Variants in GALNT13 observed in about 807,000 individuals in gnomAD.
GALNT13 encodes the protein UDP-GalNAc:polypeptide N-acetylgalactosaminyltransferase 13.
Under a neutral mutation model 64.2 loss-of-function variants are expected in GALNT13, and 28 were observed. The ratio of observed to expected loss-of-function variants is 0.44; its 90% CI spans 0.32 to 0.60. GALNT13 has a LOEUF of 0.60. GALNT13 is among the 20% of genes least tolerant of loss of function. GALNT13 has a pLI of 0.05. For synonymous variants in GALNT13, 214 were observed against 224.6 expected (o/e 0.95, Z 0.42); for missense variants, 577 against 669.8 (o/e 0.86, Z 1.53).
chr2:153,373,473 G>C, the GALNT13 span, among the ~76,000 whole-genome samples: 1 of 152,066 alleles, frequency 6.6e-6, no homozygotes, highest in Non-Finnish European at 1.5e-5. Flanking sequence ...TCAGTTGTTT[G>C]TGTTGCTTCT....
At chr2:153,732,743 C>T in the GALNT13 span, among the ~76,000 whole-genome samples, 3 of 152,156 alleles carry the variant, frequency 2.0e-5, no homozygotes, top group Middle Eastern at 3.4e-3. Context: ...GTCTTATGAA[C>T]TAACCCAACT....
intron 2 of GALNT13, among the ~76,000 whole-genome samples, chr2:153,933,338 A>G (rs1158887646): frequency 1.3e-5 from 2 of 151,920 alleles, no homozygotes; most frequent in Non-Finnish European, 2.9e-5. Context: ...GTCTTTTTTG[A>G]TCTTTGTTGC....
At chr2:153,883,823 G>T (rs1435562918) in intron 1 of GALNT13, among the ~76,000 whole-genome samples, 1 of 152,070 alleles carries the variant, frequency 6.6e-6, no homozygotes, top group Non-Finnish European at 1.5e-5. Context: ...TAGGACTTTA[G>T]TTGGCTCCAA....
At chr2:153,255,507 T>C in the GALNT13 span, among the ~76,000 whole-genome samples, 9 of 151,414 alleles carry the variant, frequency 5.9e-5, no homozygotes, top group Admixed American at 5.9e-4. Flanking sequence ...TTTGATCCTG[T>C]CATTATGATG....
chr2:153,877,455 C>T (rs925778185), intron 1 of GALNT13, among the ~76,000 whole-genome samples: 4 of 152,052 alleles, frequency 2.6e-5, no homozygotes, highest in African/African-American at 7.2e-5. Flanking sequence ...AAGCATAGCA[C>T]AATCAAAAAT....
chr2:153,294,226 G>A, the GALNT13 span, among the ~76,000 whole-genome samples: 1 of 152,168 alleles, frequency 6.6e-6, no homozygotes, highest in African/African-American at 2.4e-5. Context: ...GCAGGTGAGT[G>A]GCAAGTGTGG....
At chr2:153,090,485 T>C in the GALNT13 span, among the ~76,000 whole-genome samples, 1 of 152,210 alleles carries the variant, frequency 6.6e-6, no homozygotes, top group Non-Finnish European at 1.5e-5. Context: ...AGCCAGGATG[T>C]TGCAGGCAGT....
the GALNT13 span, among the ~76,000 whole-genome samples, chr2:153,185,621 G>T: frequency 5.3e-5 from 8 of 152,118 alleles, no homozygotes; most frequent in Non-Finnish European, 8.8e-5. Context: ...TGTTTACACT[G>T]CTTTAGCTGC....
At chr2:154,398,479 T>C (rs1699154617) in intron 10 of GALNT13, among the ~76,000 whole-genome samples, 1 of 151,680 alleles carries the variant, frequency 6.6e-6, no homozygotes, top group South Asian at 2.1e-4. Context: ...GCAAATTCCT[T>C]TGTACAAACT....
intron 3 of GALNT13, among the ~76,000 whole-genome samples, chr2:154,103,572 T>G (rs1278758830): frequency 6.6e-6 from 1 of 152,188 alleles, no homozygotes; most frequent in East Asian, 1.9e-4. Context: ...GCTGGAGTTC[T>G]TGGGCTGACT....
chr2:153,218,189 C>A, the GALNT13 span, among the ~76,000 whole-genome samples: 1 of 152,158 alleles, frequency 6.6e-6, no homozygotes, highest in Non-Finnish European at 1.5e-5. Flanking sequence ...GCTGTCTTGT[C>A]TCTCTTCTAT....
chr2:153,709,583 G>T, the GALNT13 span, among the ~76,000 whole-genome samples: 1 of 151,926 alleles, frequency 6.6e-6, no homozygotes, highest in Non-Finnish European at 1.5e-5. Context: ...CTGTATGGAA[G>T]TAACTCAAAG....
At chr2:153,538,357 TTTTTATTTTATTTATTTTA>T in the GALNT13 span, among the ~76,000 whole-genome samples, 1 of 125,640 alleles carries the variant, frequency 8.0e-6, no homozygotes, top group African/African-American at 3.2e-5. Context: ...TTTTTATTTA[TTTTTATTTTATTTATTTTA>T]TTTTATTTTA....
chr2:154,259,231 G>A, intron 8 of GALNT13, 93 bp downstream of exon 8: 1 of 739,696 alleles, frequency 1.4e-6, no homozygotes. Flanking sequence ...AATCATTTTT[G>A]CTGAGTGATG....
At chr2:153,736,164 A>T in the GALNT13 span, among the ~76,000 whole-genome samples, 1 of 152,330 alleles carries the variant, frequency 6.6e-6, no homozygotes, top group South Asian at 2.1e-4. Context: ...CACTCCATCC[A>T]TCATAGATAA....
At chr2:154,246,883 T>C (rs573505249) in intron 7 of GALNT13, among the ~76,000 whole-genome samples, 2 of 152,188 alleles carry the variant, frequency 1.3e-5, no homozygotes, top group Admixed American at 1.3e-4. Context: ...AACTAAAGGA[T>C]GTTACTCGAG....
the GALNT13 span, among the ~76,000 whole-genome samples, chr2:153,629,940 A>T: frequency 4.1e-5 from 6 of 148,132 alleles, no homozygotes; most frequent in Admixed American, 2.7e-4. Context: ...AATCAAAACC[A>T]CTATGAGATA....
At chr2:153,141,479 T>C in the GALNT13 span, among the ~76,000 whole-genome samples, 1 of 152,088 alleles carries the variant, frequency 6.6e-6, no homozygotes, top group East Asian at 2.0e-4. Flanking sequence ...TTCTCAGCTG[T>C]TTTTGTCTAG....
At chr2:154,161,645 C>A (rs1039798659) in intron 4 of GALNT13, among the ~76,000 whole-genome samples, 1 of 152,034 alleles carries the variant, frequency 6.6e-6, no homozygotes, top group African/African-American at 2.4e-5. Flanking sequence ...ATGTTTACTA[C>A]CTTTAATTAT....
Sources: allele counts gnomAD v4.1 joint callset (sites outside exome capture counted in the v4.1 genomes callset), GRCh38; gene constraint gnomAD v4.1.1; transcripts MANE v1.5; gene names NCBI Gene and HGNC (gene_info 2026-07-23, HGNC 2026-07-21).